KCNQ5: variants seen among roughly 807,000 people sequenced by gnomAD.
KCNQ5 encodes potassium voltage-gated channel subfamily KQT member 5.
Under a neutral mutation model 98.2 loss-of-function variants are expected in KCNQ5, and 30 were observed. The ratio of observed to expected loss-of-function variants is 0.31; its 90% confidence interval spans 0.23 to 0.41. The LOEUF is 0.41. KCNQ5 is among the 10% of genes least tolerant of loss of function. The pLI is 1.00. For synonymous variants in KCNQ5, 458 were observed against 449.4 expected (o/e 1.02, Z -0.24); for missense variants, 835 against 1,182.5 (o/e 0.71, Z 4.31).
At chr6:72,818,545 A>G (rs1775602958) in intron 1 of KCNQ5, among the ~76,000 whole-genome samples, 1 of 151,810 alleles carries the variant, frequency 6.6e-6, no homozygotes, top group Non-Finnish European at 1.5e-5. Flanking sequence ...ATTTACATAA[A>G]CATTGCCCTT....
intron 10 of KCNQ5, among the ~76,000 whole-genome samples, chr6:73,159,540 T>C (rs989053120): frequency 3.3e-5 from 5 of 152,240 alleles, no homozygotes; most frequent in Admixed American, 3.3e-4. Flanking sequence ...TATTTTATTG[T>C]CATAAAAATT....
chr6:73,063,766 T>C (rs1023425283), intron 3 of KCNQ5, among the ~76,000 whole-genome samples: 3 of 95,698 alleles, frequency 3.1e-5, no homozygotes, highest in Admixed American at 1.0e-4. Context: ...TAGATAGATA[T>C]AATAGATCTA....
intron 9 of KCNQ5, among the ~76,000 whole-genome samples, chr6:73,127,630 C>T (rs1209374647): frequency 2.0e-5 from 3 of 152,156 alleles, no homozygotes; most frequent in African/African-American, 7.2e-5. Flanking sequence ...ACTACATTCC[C>T]GGCTTTGGAA....
chr6:72,906,841 G>A lies in KCNQ5; in HGVS notation c.399-97067G>A, dbSNP rs570493192. The stretch of plus-strand genomic sequence containing the variant: ...GATTTATTCCTGCAGTTGTTCTGGG[G>A]CAAAAATTCAAGATATAAGCCTCCA... On this transcript the variant is annotated intron_variant, in intron 1 of 13. Coordinates refer to ENST00000370398, the MANE Select transcript of KCNQ5 (RefSeq NM_019842.4). 2.0e-5 allele frequency among the ~76,000 whole-genome samples: 3 copies of A among 152,272 alleles called. No homozygotes were observed. The East Asian group carries it at 5.8e-4, about 29-fold the overall frequency.
At position 72,932,879 on chromosome 6, in the gene KCNQ5, C is replaced by A. The variant is rs576127531; in HGVS notation, c.399-71029C>A. Among the ~76,000 whole-genome samples the A allele has an allele frequency of 2.0e-5, 3 of 152,258 alleles. No individual in the cohort carries two copies. In the South Asian group the frequency reaches 6.2e-4, roughly 32 times the overall value. ...ATGACTTACTTGTTAGCATTGTCAGCTTTTCTGTGCTGTATTTTATACTAA... is the reference window on the plus strand; with the variant it reads ...ATGACTTACTTGTTAGCATTGTCAGATTTTCTGTGCTGTATTTTATACTAA... On this transcript the variant is annotated intron_variant, in intron 1 of 13. Transcript: ENST00000370398.
chr6:72,805,509 T>G (rs1479764295), intron 1 of KCNQ5, among the ~76,000 whole-genome samples: 1 of 152,182 alleles, frequency 6.6e-6, no homozygotes, highest in African/African-American at 2.4e-5. Flanking sequence ...GGGTTCTCTA[T>G]TCTGTTCCAT....
intron 10 of KCNQ5, among the ~76,000 whole-genome samples, chr6:73,152,996 G>T (rs1024877607): frequency 6.6e-6 from 1 of 152,178 alleles, no homozygotes; most frequent in Middle Eastern, 3.4e-3. Context: ...TGGATGAAGG[G>T]GTGAACTCTC....
chr6:72,630,899 A>G (rs975489147), intron 1 of KCNQ5, among the ~76,000 whole-genome samples: 4 of 152,200 alleles, frequency 2.6e-5, no homozygotes, highest in Admixed American at 2.0e-4. Context: ...TGGTGATTCT[A>G]CTAGCTCTAT....
At chr6:73,180,361 A>G (rs1406309396) in intron 11 of KCNQ5, among the ~76,000 whole-genome samples, 1 of 152,178 alleles carries the variant, frequency 6.6e-6, no homozygotes, top group East Asian at 1.9e-4. Context: ...TTCCCTTCCA[A>G]GGTAATCCTT....
At chr6:72,736,050 C>T (rs1259945759) in intron 1 of KCNQ5, among the ~76,000 whole-genome samples, 1 of 150,804 alleles carries the variant, frequency 6.6e-6, no homozygotes, top group East Asian at 2.0e-4. Flanking sequence ...ATGAAACTCA[C>T]AATTTAAGAT....
intron 8 of KCNQ5, among the ~76,000 whole-genome samples, chr6:73,120,955 C>G (rs1001893661): frequency 4.6e-5 from 7 of 152,150 alleles, no homozygotes; most frequent in African/African-American, 7.2e-5. Flanking sequence ...GAGATGAGTG[C>G]TTAGAGAGTA....
chr6:72,625,156 A>G lies in KCNQ5; in HGVS notation c.398+2569A>G, dbSNP rs566664377. On this transcript the variant is annotated intron_variant, in intron 1 of 13. Coordinates refer to ENST00000370398, the MANE Select transcript of KCNQ5 (RefSeq NM_019842.4). ...TTCACTGCCAAGAAACAAGAAAAGC[A>G]TGTTTAAAGTTATGCTTGAGGTAAA... is the stretch of plus-strand genomic sequence containing the variant. Among the ~76,000 whole-genome samples the G allele has an allele frequency of 5.3e-5, 8 of 152,344 alleles. 1 individual carries two copies. In the South Asian group the frequency reaches 1.2e-3, roughly 24 times the overall value.
chr6:72,656,462 AG>A (rs1766199106), intron 1 of KCNQ5, among the ~76,000 whole-genome samples: 1 of 152,194 alleles, frequency 6.6e-6, no homozygotes, highest in Non-Finnish European at 1.5e-5. Context: ...TTTCCCACAT[AG>A]TAAAGACAAT....
intron 1 of KCNQ5, among the ~76,000 whole-genome samples, chr6:72,958,516 C>T (rs1163015773): frequency 6.6e-6 from 1 of 152,190 alleles, no homozygotes; most frequent in Non-Finnish European, 1.5e-5. Context: ...TTTCTAGGCT[C>T]TCACTTTAAG....
chr6:72,938,899 TTAAG>T (rs1307943756), intron 1 of KCNQ5, among the ~76,000 whole-genome samples: 3 of 152,160 alleles, frequency 2.0e-5, no homozygotes, highest in Non-Finnish European at 4.4e-5. Flanking sequence ...TTCAAGTGAT[TTAAG>T]TATTTTAAAA....
intron 1 of KCNQ5, among the ~76,000 whole-genome samples, chr6:72,671,051 C>G (rs1473164724): frequency 6.6e-6 from 1 of 152,182 alleles, no homozygotes; most frequent in Non-Finnish European, 1.5e-5. Flanking sequence ...ACCTGCTGCT[C>G]ATTTCCATCT....
intron 10 of KCNQ5, among the ~76,000 whole-genome samples, chr6:73,158,653 C>T (rs1292241623): frequency 1.3e-5 from 2 of 151,462 alleles, no homozygotes; most frequent in African/African-American, 2.4e-5. Flanking sequence ...TGGAAAAATT[C>T]TTAAATTCCT....
intron 1 of KCNQ5, among the ~76,000 whole-genome samples, chr6:72,696,130 A>G (rs1768484214): frequency 6.6e-6 from 1 of 152,198 alleles, no homozygotes; most frequent in Non-Finnish European, 1.5e-5. Context: ...ACTTCTCCGC[A>G]TGAGAAACTC....
chr6:73,133,647 C>T lies in KCNQ5; in HGVS notation c.1468+6C>T, dbSNP rs1171981432. The stretch of plus-strand genomic sequence containing the variant: ...GCCAAAACCAGTGATAGATGGTAAG[C>T]CCTGTTTTTCCATAACCATTTTTAA... On this transcript the variant is annotated splice_donor_region_variant and intron_variant, in intron 10 of 13. Coordinates refer to ENST00000370398, the MANE Select transcript of KCNQ5 (RefSeq NM_019842.4). 3.1e-6 allele frequency: 5 copies of T among 1,612,970 alleles called. No individual in the cohort carries two copies. The East Asian group carries it at 8.9e-5, about 29-fold the overall frequency.
Sources: allele counts gnomAD v4.1 joint callset (sites outside exome capture counted in the v4.1 genomes callset), GRCh38; gene constraint gnomAD v4.1.1; transcripts MANE v1.5; gene names NCBI Gene and HGNC (gene_info 2026-07-23, HGNC 2026-07-21).